The following GNG12 variants were observed in gnomAD, a reference collection of about 807,000 sequenced individuals.
The protein encoded by GNG12 is guanine nucleotide-binding protein G(I)/G(S)/G(O) subunit gamma-12.
For synonymous variants in GNG12, 28 were observed against 29.7 expected (o/e 0.94, Z 0.19); for missense variants, 69 against 83.8 (o/e 0.82, Z 0.69).
At chr1:67,784,473 A>T (rs75205228) in intron 1 of GNG12, among the ~76,000 whole-genome samples, 2,614 of 151,938 alleles carry the variant, frequency 0.017, 75 homozygotes, top group African/African-American at 0.06. Flanking sequence ...TAAAAAAATT[A>T]AAAAAATAAA....
intron 2 of GNG12, among the ~76,000 whole-genome samples, chr1:67,729,210 G>T (rs1646404965): frequency 6.6e-6 from 1 of 152,088 alleles, no homozygotes; most frequent in African/African-American, 2.4e-5. Context: ...TCCTCACTTT[G>T]TCATCTCTCC....
At chr1:67,820,603 A>AGGCT (rs1471081380) in intron 1 of GNG12, among the ~76,000 whole-genome samples, 1 of 152,184 alleles carries the variant, frequency 6.6e-6, no homozygotes, top group African/African-American at 2.4e-5. Flanking sequence ...GTATTACCAG[A>AGGCT]GGCTGTTGGA....
intron 2 of GNG12, among the ~76,000 whole-genome samples, chr1:67,746,847 G>T (rs1415635333): frequency 6.6e-6 from 1 of 152,148 alleles, no homozygotes; most frequent in Non-Finnish European, 1.5e-5. Flanking sequence ...CAGAAAGGGG[G>T]TAAAATGATG....
At chr1:67,735,025 G>T (rs538962958) in intron 2 of GNG12, among the ~76,000 whole-genome samples, 1 of 151,700 alleles carries the variant, frequency 6.6e-6, no homozygotes, top group Non-Finnish European at 1.5e-5. Context: ...GGCTAATTTT[G>T]TATTTTTTTT....
chr1:67,709,601 T>C (rs1646269459), intron 2 of GNG12, among the ~76,000 whole-genome samples: 3 of 151,574 alleles, frequency 2.0e-5, no homozygotes, highest in African/African-American at 7.3e-5. Context: ...CCAGAGTAGC[T>C]ACCTCTTCCT....
At chr1:67,722,856 T>TG (rs1646363808) in intron 2 of GNG12, among the ~76,000 whole-genome samples, 1 of 152,124 alleles carries the variant, frequency 6.6e-6, no homozygotes, top group African/African-American at 2.4e-5. Context: ...GGTCAGGGCT[T>TG]GGGGTCAGAT....
chr1:67,748,784 C>A (rs1477306848), intron 2 of GNG12, among the ~76,000 whole-genome samples: 1 of 152,206 alleles, frequency 6.6e-6, no homozygotes, highest in Non-Finnish European at 1.5e-5. Context: ...GAGTGCTAAT[C>A]ATTAACATGC....
chr1:67,712,544 A>T (rs535754), intron 2 of GNG12, among the ~76,000 whole-genome samples: 104,476 of 151,928 alleles, frequency 0.69, 35,961 homozygotes, highest in Admixed American at 0.71. Flanking sequence ...AACAAAAATA[A>T]TTGCCAGGAG....
chr1:67,798,319 A>C (rs2100792901), intron 1 of GNG12, among the ~76,000 whole-genome samples: 1 of 152,270 alleles, frequency 6.6e-6, no homozygotes, highest in South Asian at 2.1e-4. Context: ...CCTTATGAGA[A>C]TCTAACTTAA....
intron 2 of GNG12, among the ~76,000 whole-genome samples, chr1:67,773,613 G>GA (rs1268251967): frequency 6.6e-6 from 1 of 152,190 alleles, no homozygotes; most frequent in East Asian, 1.9e-4. Context: ...TGGAGCAAGG[G>GA]AAGAGGATCA....
intron 2 of GNG12, among the ~76,000 whole-genome samples, chr1:67,738,594 AC>A (rs1646465131): frequency 6.6e-6 from 1 of 152,176 alleles, no homozygotes; most frequent in African/African-American, 2.4e-5. Flanking sequence ...CAAAGTTTAC[AC>A]GTGTAGGCCA....
intron 1 of GNG12, among the ~76,000 whole-genome samples, chr1:67,822,671 T>C (rs768058448): frequency 6.6e-6 from 1 of 152,158 alleles, no homozygotes; most frequent in African/African-American, 2.4e-5. Context: ...TCATTGCTAG[T>C]GTAGGTACTC....
In GNG12 at chr1:67,720,606, C is replaced by G. The variant is rs137921230; in HGVS notation, c.-26-12894G>C. Among the ~76,000 whole-genome samples the G allele has an allele frequency of 1.9e-4, 29 of 152,316 alleles. 1 individual carries two copies. The East Asian group carries it at 5.4e-3, about 28-fold the overall frequency. On this transcript the variant is annotated intron_variant, in intron 2 of 3. Coordinates refer to ENST00000370982, the MANE Select transcript of GNG12 (RefSeq NM_018841.6). ...TTTAGAGTGCTTTTTCTGTGCCAGG[C>G]ACTGTGTTAAGGGCTTTAGATAAAA...
chr1:67,739,156 G>C (rs1399293655), intron 2 of GNG12, among the ~76,000 whole-genome samples: 1 of 152,172 alleles, frequency 6.6e-6, no homozygotes, highest in Admixed American at 6.5e-5. Flanking sequence ...TCTAGGCTGG[G>C]CAACAGAGTG....
intron 2 of GNG12, among the ~76,000 whole-genome samples, chr1:67,759,480 C>CCT (rs1208830303): frequency 1.3e-5 from 2 of 152,172 alleles, no homozygotes; most frequent in African/African-American, 4.8e-5. Context: ...TCACCCATTC[C>CCT]CTGTGTGACC....
At chr1:67,790,995 T>C (rs1222829054) in intron 1 of GNG12, among the ~76,000 whole-genome samples, 1 of 152,190 alleles carries the variant, frequency 6.6e-6, no homozygotes, top group Admixed American at 6.5e-5. Flanking sequence ...TTTTCATAAA[T>C]GAAAAACACA....
intron 2 of GNG12, among the ~76,000 whole-genome samples, chr1:67,756,038 C>T (rs1557606429): frequency 6.6e-6 from 1 of 152,120 alleles, no homozygotes; most frequent in African/African-American, 2.4e-5. Flanking sequence ...CTTACTTGTG[C>T]CTGGCCCTGG....
intron 2 of GNG12, among the ~76,000 whole-genome samples, chr1:67,728,827 C>G (rs1490318005): frequency 6.6e-6 from 1 of 152,108 alleles, no homozygotes; most frequent in South Asian, 2.1e-4. Flanking sequence ...ACACAGAAAC[C>G]CCTCCTTTAG....
chr1:67,742,862 A>C (rs1011277537), intron 2 of GNG12, among the ~76,000 whole-genome samples: 13 of 152,112 alleles, frequency 8.5e-5, no homozygotes, highest in Admixed American at 8.5e-4. Context: ...TACACATCAA[A>C]CTAGTGGTTT....
Sources: gnomAD v4.1 joint callset for allele counts (sites outside exome capture counted in the v4.1 genomes callset) on GRCh38, gnomAD v4.1.1 for gene constraint, MANE v1.5 for transcripts, NCBI Gene and HGNC (gene_info 2026-07-23, HGNC 2026-07-21) for gene names.